Variants in SPMAP2L observed in about 807,000 individuals in gnomAD.
SPMAP2L encodes sperm microtubule associated protein 2-like.
At chr4:56,601,085 A>G in the SPMAP2L span, 1 of 1,535,028 alleles carries the variant, frequency 6.5e-7, no homozygotes, top group Non-Finnish European at 8.7e-7. Flanking sequence ...CCTAGGATTC[A>G]GGAACTAGCT....
the SPMAP2L span, among the ~76,000 whole-genome samples, chr4:56,554,571 C>G: frequency 6.6e-6 from 1 of 152,174 alleles, no homozygotes; most frequent in African/African-American, 2.4e-5. Context: ...AGTCCTTTAT[C>G]AGATACTTGT....
At chr4:56,544,149 C>T in the SPMAP2L span, among the ~76,000 whole-genome samples, 5 of 152,072 alleles carry the variant, frequency 3.3e-5, no homozygotes, top group African/African-American at 1.2e-4. Context: ...CCACCACGCC[C>T]GGCTAATATT....
chr4:56,615,105 G>C, the SPMAP2L span, among the ~76,000 whole-genome samples: 9 of 152,334 alleles, frequency 5.9e-5, no homozygotes, highest in Admixed American at 4.6e-4. Flanking sequence ...GCCAGATCCA[G>C]AATTCCTAAA....
chr4:56,596,494 C>A, the SPMAP2L span: 4 of 1,510,654 alleles, frequency 2.6e-6, no homozygotes, highest in Non-Finnish European at 3.5e-6. Flanking sequence ...TATTTTTCTC[C>A]CCTAGATGCA....
chr4:56,571,272 T>G, the SPMAP2L span, among the ~76,000 whole-genome samples: 1 of 152,016 alleles, frequency 6.6e-6, no homozygotes, highest in Admixed American at 6.5e-5. Context: ...TTGATATATA[T>G]CCTTATAACA....
chr4:56,620,592 T>A, the SPMAP2L span, among the ~76,000 whole-genome samples: 3 of 151,894 alleles, frequency 2.0e-5, no homozygotes. Context: ...TCCATGTTGG[T>A]CAGGCTGGCC....
chr4:56,596,269 A>G, the SPMAP2L span, among the ~76,000 whole-genome samples: 1 of 151,702 alleles, frequency 6.6e-6, no homozygotes, highest in Non-Finnish European at 1.5e-5. Context: ...ATTGGAAAAC[A>G]AAACACAACA....
the SPMAP2L span, among the ~76,000 whole-genome samples, chr4:56,574,404 G>C: frequency 6.6e-6 from 1 of 151,852 alleles, no homozygotes; most frequent in Non-Finnish European, 1.5e-5. Flanking sequence ...GGGCAATAGA[G>C]CAAGATCGTG....
At chr4:56,599,640 G>T in the SPMAP2L span, among the ~76,000 whole-genome samples, 11 of 152,160 alleles carry the variant, frequency 7.2e-5, no homozygotes. Context: ...TCTTATGAGT[G>T]AGAACATGAA....
the SPMAP2L span, chr4:56,531,102 C>G: frequency 6.5e-7 from 1 of 1,535,604 alleles, no homozygotes; most frequent in Non-Finnish European, 8.7e-7. Flanking sequence ...TTCCCAGCGC[C>G]GCAGTAATGA....
At chr4:56,573,447 A>G in the SPMAP2L span, among the ~76,000 whole-genome samples, 1 of 151,466 alleles carries the variant, frequency 6.6e-6, no homozygotes, top group East Asian at 1.9e-4. Context: ...TTTTTTTTCT[A>G]TCTCTCACTC....
chr4:56,548,885 G>A, the SPMAP2L span: 1 of 1,200,524 alleles, frequency 8.3e-7, no homozygotes, highest in Non-Finnish European at 1.1e-6. Flanking sequence ...CAATCTGGAT[G>A]GGGCAGATTC....
the SPMAP2L span, among the ~76,000 whole-genome samples, chr4:56,585,801 C>A: frequency 6.6e-6 from 1 of 152,134 alleles, no homozygotes; most frequent in South Asian, 2.1e-4. Context: ...TCTGTTTTGC[C>A]ACTGCACGCC....
chr4:56,534,975 C>T, the SPMAP2L span, among the ~76,000 whole-genome samples: 1 of 151,640 alleles, frequency 6.6e-6, no homozygotes, highest in Non-Finnish European at 1.5e-5. Context: ...CCATAATGTG[C>T]CCACCAATGA....
chr4:56,548,465 T>A, the SPMAP2L span, among the ~76,000 whole-genome samples: 1 of 152,180 alleles, frequency 6.6e-6, no homozygotes, highest in South Asian at 2.1e-4. Context: ...CTGTCATCTT[T>A]AAGGTTTAAT....
the SPMAP2L span, among the ~76,000 whole-genome samples, chr4:56,615,849 A>G: frequency 6.6e-6 from 1 of 152,320 alleles, no homozygotes; most frequent in African/African-American, 2.4e-5. Flanking sequence ...AAGTGAATCA[A>G]AATCTCAAGG....
At chr4:56,597,303 G>T in the SPMAP2L span, among the ~76,000 whole-genome samples, 1 of 152,168 alleles carries the variant, frequency 6.6e-6, no homozygotes, top group Non-Finnish European at 1.5e-5. Context: ...CTCACCGAGT[G>T]GTCTGCTGTG....
the SPMAP2L span, chr4:56,530,930 C>G: frequency 1.3e-6 from 2 of 1,535,188 alleles, no homozygotes; most frequent in Non-Finnish European, 1.7e-6. Context: ...TCCTATGAGC[C>G]CCACGCTCCC....
the SPMAP2L span, among the ~76,000 whole-genome samples, chr4:56,571,024 G>A: frequency 8.6e-5 from 13 of 151,556 alleles, no homozygotes; most frequent in East Asian, 3.9e-4. Flanking sequence ...GGCTGGTCTG[G>A]AACTCCTGAG....
Sources: gnomAD v4.1 joint callset for allele counts (sites outside exome capture counted in the v4.1 genomes callset) on GRCh38, gnomAD v4.1.1 for gene constraint, MANE v1.5 for transcripts, NCBI Gene and HGNC (gene_info 2026-07-23, HGNC 2026-07-21) for gene names.